Variants in HOPX observed in about 807,000 individuals in gnomAD.
The protein encoded by HOPX is HOP homeobox.
Under a neutral mutation model 11.8 loss-of-function variants are expected in HOPX, and 5 were observed. The ratio of observed to expected loss-of-function variants is 0.43; its 90% CI spans 0.22 to 0.89. HOPX has a LOEUF of 0.89. Ranked by LOEUF, HOPX falls within the 40% of genes least tolerant of loss-of-function variation. The pLI is 0.28. For missense variants in HOPX, 119 were observed against 120.0 expected (o/e 0.99, Z 0.04); for synonymous variants, 49 against 49.7 (o/e 0.99, Z 0.06).
At chr4:56,667,423 G>A (rs1718495888) in intron 1 of HOPX, among the ~76,000 whole-genome samples, 1 of 152,110 alleles carries the variant, frequency 6.6e-6, no homozygotes, top group South Asian at 2.1e-4. Context: ...GAAATCTCTA[G>A]GACAAACTGT....
At position 56,654,698 on chromosome 4, in the gene HOPX, T is replaced by C. The variant is rs528146641; in HGVS notation, c.198+1159A>G. Among the ~76,000 whole-genome samples the C allele has an allele frequency of 2.3e-4, 35 of 152,342 alleles. 1 individual carries two copies. The South Asian group carries it at 7.0e-3, about 31-fold the overall frequency. ...CAAAGAGTGCCTCTGGCTTAATTAGTAAAAATAATTTTGGACTTGGGGTCC... is the reference window on the plus strand; with the variant it reads ...CAAAGAGTGCCTCTGGCTTAATTAGCAAAAATAATTTTGGACTTGGGGTCC... On this transcript the variant is annotated intron_variant, in intron 3 of 3. Transcript: ENST00000420433.
intron 1 of HOPX, chr4:56,662,841 T>G (rs1718223869): frequency 6.6e-6 from 1 of 152,202 alleles, no homozygotes; most frequent in South Asian, 2.1e-4. Context: ...AAATCACCTA[T>G]TTGAATATTT....
intron 1 of HOPX, among the ~76,000 whole-genome samples, chr4:56,677,510 C>T (rs1300336800): frequency 2.6e-5 from 4 of 151,632 alleles, no homozygotes; most frequent in Non-Finnish European, 5.9e-5. Flanking sequence ...ATTCATTAAA[C>T]GATTATTGTC....
chr4:56,670,253 G>A (rs138474666), intron 1 of HOPX, among the ~76,000 whole-genome samples: 11 of 152,220 alleles, frequency 7.2e-5, no homozygotes, highest in African/African-American at 2.6e-4. Context: ...TTCAAACCAG[G>A]TAATAGAGAA....
chr4:56,664,398 A>T (rs572333341), intron 1 of HOPX: 1 of 151,464 alleles, frequency 6.6e-6, no homozygotes, highest in Non-Finnish European at 1.5e-5. Flanking sequence ...AGCCTCCCAA[A>T]CTGCTGGGAT....
chr4:56,660,133 G>A (rs574338265), intron 1 of HOPX, among the ~76,000 whole-genome samples: 2 of 152,320 alleles, frequency 1.3e-5, no homozygotes, highest in East Asian at 1.9e-4. Flanking sequence ...CACATTTTAA[G>A]TAAATGACTT....
chr4:56,656,499 C>G, intron 2 of HOPX: 1 of 980,696 alleles, frequency 1.0e-6, no homozygotes, highest in Non-Finnish European at 1.2e-6. Flanking sequence ...CCTCCGGCCT[C>G]CCCGGTAGGC....
At chr4:56,673,409 G>A (rs773821543) in intron 1 of HOPX, among the ~76,000 whole-genome samples, 1 of 152,076 alleles carries the variant, frequency 6.6e-6, no homozygotes, top group Non-Finnish European at 1.5e-5. Flanking sequence ...AAAAAAAAGG[G>A]CTTTAAAAAA....
intron 3 of HOPX, chr4:56,649,006 AT>A (rs1449921839): frequency 1.2e-5 from 5 of 428,876 alleles, no homozygotes; most frequent in Admixed American, 7.5e-5. Context: ...TTCTCTCTTT[AT>A]TCTTTATCTG....
intron 3 of HOPX, among the ~76,000 whole-genome samples, chr4:56,651,504 T>C (rs1717166782): frequency 6.6e-5 from 10 of 152,214 alleles, no homozygotes; most frequent in Admixed American, 6.5e-4. Flanking sequence ...AGTCATCCAC[T>C]GGGAAAGACA....
intron 1 of HOPX, among the ~76,000 whole-genome samples, chr4:56,673,197 A>G (rs143031364): frequency 7.2e-5 from 11 of 152,364 alleles, no homozygotes; most frequent in African/African-American, 2.6e-4. Flanking sequence ...TATAATTAAC[A>G]GACTATTGAT....
chr4:56,655,044 G>A (rs1355954983), intron 3 of HOPX, among the ~76,000 whole-genome samples: 1 of 152,136 alleles, frequency 6.6e-6, no homozygotes, highest in African/African-American at 2.4e-5. Context: ...ACCACAGGCC[G>A]TGTTGCATTC....
At chr4:56,666,732 T>A (rs1718460297) in intron 1 of HOPX, among the ~76,000 whole-genome samples, 1 of 152,198 alleles carries the variant, frequency 6.6e-6, no homozygotes, top group Non-Finnish European at 1.5e-5. Context: ...TTCCATAATT[T>A]CCATATAGAT....
upstream of HOPX, chr4:56,681,391 C>T: frequency 1.0e-6 from 1 of 985,440 alleles, no homozygotes; most frequent in Non-Finnish European, 1.2e-6. Context: ...CACACTCGAG[C>T]AAGGACCTGA....
chr4:56,677,461 TCTTG>T (rs1719075932), intron 1 of HOPX, among the ~76,000 whole-genome samples: 1 of 151,756 alleles, frequency 6.6e-6, no homozygotes, highest in African/African-American at 2.4e-5. Context: ...AGATATGTTA[TCTTG>T]CTGGAACCTA....
chr4:56,662,754 GGCATGA>G (rs1316347534), intron 1 of HOPX: 3 of 152,430 alleles, frequency 2.0e-5, no homozygotes, highest in Non-Finnish European at 4.4e-5. Flanking sequence ...TGGGATTACA[GGCATGA>G]GCCACTGTGC....
intron 3 of HOPX, chr4:56,651,296 C>A (rs926880750): frequency 2.6e-5 from 4 of 152,816 alleles, no homozygotes; most frequent in African/African-American, 9.7e-5. Flanking sequence ...GGGAGGAGGT[C>A]AAGAAAAGCT....
intron 1 of HOPX, chr4:56,665,422 A>G (rs757929293): frequency 2.0e-5 from 3 of 152,222 alleles, no homozygotes; most frequent in African/African-American, 7.2e-5. Context: ...AACAGAACCT[A>G]AACAATGGCA....
At position 56,681,275 on chromosome 4, in the gene HOPX, C is replaced by A. The variant is rs535228741; in HGVS notation, c.-104G>T. On this transcript the variant is annotated 5_prime_UTR_variant, in exon 1 of 4. Coordinates refer to ENST00000420433, the MANE Select transcript of HOPX (RefSeq NM_032495.6). ...CTTACGTGGAAGAGGCAAAGGCAAG[C>A]GCAAGCCCTGGGTTTGGAAGCTGTG... The A allele has an allele frequency of 7.9e-5, 78 of 985,360 alleles. No homozygotes were observed. In the African/African-American group the frequency reaches 1.3e-3, roughly 16 times the overall value. The allele number at this position is 985,360 out of a possible 1,614,324, so 61.0% of individuals were successfully genotyped here.
Sources: allele counts gnomAD v4.1 joint callset (sites outside exome capture counted in the v4.1 genomes callset), GRCh38; gene constraint gnomAD v4.1.1; transcripts MANE v1.5; gene names NCBI Gene and HGNC (gene_info 2026-07-23, HGNC 2026-07-21).